The following KLHDC1 variants were observed in gnomAD, a reference collection of about 807,000 sequenced individuals.
The protein encoded by KLHDC1 is kelch domain containing 1.
Under a neutral mutation model 68.3 loss-of-function variants are expected in KLHDC1, and 53 were observed. The ratio of observed to expected loss-of-function variants is 0.78; its 90% CI spans 0.62 to 0.98. The LOEUF (loss-of-function observed/expected upper bound fraction) is 0.98. Ranked by LOEUF, KLHDC1 falls within the 50% of genes least tolerant of loss-of-function variation. KLHDC1 has a pLI of 0.00. For missense variants in KLHDC1, 470 were observed against 492.3 expected, an observed-to-expected ratio of 0.95 and a Z score of 0.43; for synonymous variants, 148 against 159.0, an observed-to-expected ratio of 0.93 and a Z score of 0.52.
chr14:49,707,272 ATGTGTG>A (rs749232051), intron 1 of KLHDC1, among the ~76,000 whole-genome samples: 4 of 138,384 alleles, frequency 2.9e-5, no homozygotes, highest in East Asian at 2.1e-4. Context: ...TTCTATTTTT[ATGTGTG>A]TGTGTGTGTG....
chr14:49,695,115 G>GTGTGT (rs753979963), intron 1 of KLHDC1, among the ~76,000 whole-genome samples: 1 of 22,926 alleles, frequency 4.4e-5, no homozygotes. Flanking sequence ...ATGCAGTTTT[G>GTGTGT]ATGTGTGTGT....
intron 1 of KLHDC1, among the ~76,000 whole-genome samples, chr14:49,698,334 G>C (rs530579935): frequency 1.3e-4 from 20 of 151,782 alleles, no homozygotes; most frequent in Admixed American, 9.9e-4. Context: ...CTCCCTAGTA[G>C]CTGGGAGTAT....
chr14:49,703,688 G>A (rs1284555275), intron 1 of KLHDC1, among the ~76,000 whole-genome samples: 3 of 87,184 alleles, frequency 3.4e-5, no homozygotes, highest in Non-Finnish European at 1.1e-4. Context: ...TAGTCAACTG[G>A]TGTGTGCTTG....
chr14:49,700,521 A>G lies in KLHDC1; in HGVS notation c.96+7231A>G, dbSNP rs572431537. On this transcript the variant is annotated intron_variant, in intron 1 of 12. Transcript: ENST00000359332. ...ATCACTTGAGCCCATGTGTTCAAGG[A>G]TGCAGTGAGCTATGATTGTGCCATC... Among the ~76,000 whole-genome samples, 15 of 152,298 alleles carry G rather than the reference A, an allele frequency of 9.8e-5. 1 individual carries two copies. The South Asian group carries it at 3.1e-3, about 32-fold the overall frequency.
chr14:49,743,203 C>A (rs993468063), intron 11 of KLHDC1, among the ~76,000 whole-genome samples: 2 of 151,622 alleles, frequency 1.3e-5, no homozygotes, highest in African/African-American at 4.8e-5. Flanking sequence ...TCGAAACCAG[C>A]CTGGCCAACA....
At chr14:49,706,084 TCTAA>T (rs1457451691) in intron 1 of KLHDC1, among the ~76,000 whole-genome samples, 1 of 152,184 alleles carries the variant, frequency 6.6e-6, no homozygotes, top group African/African-American at 2.4e-5. Flanking sequence ...TCTTATTCTT[TCTAA>T]CTATTTTTTG....
intron 4 of KLHDC1, among the ~76,000 whole-genome samples, chr14:49,718,915 T>C (rs2139747789): frequency 6.6e-6 from 1 of 151,238 alleles, no homozygotes; most frequent in East Asian, 2.0e-4. Context: ...TATCTGGGAT[T>C]ACAGCCGCCT....
chr14:49,715,737 C>A (rs1888353390), intron 4 of KLHDC1, among the ~76,000 whole-genome samples: 1 of 25,166 alleles, frequency 4.0e-5, no homozygotes, highest in Non-Finnish European at 6.4e-5. Flanking sequence ...AAGACTCTGT[C>A]TCAAAAAAAA....
intron 4 of KLHDC1, among the ~76,000 whole-genome samples, chr14:49,718,935 C>G (rs1305093152): frequency 6.6e-6 from 1 of 151,454 alleles, no homozygotes; most frequent in African/African-American, 2.4e-5. Flanking sequence ...TGCCACTACA[C>G]CCACCTAATT....
In KLHDC1 at chr14:49,713,995, C is replaced by T. The variant is rs187467424; in HGVS notation, c.404+3614C>T. On this transcript the variant is annotated intron_variant, in intron 4 of 12. Transcript: ENST00000359332. ...CCAAGTAGCTGGGATTACAGGTGCA[C>T]GCCACCAAACCTGGCTAATTTTTGT... Among the ~76,000 whole-genome samples, 474 of 148,154 alleles carry T rather than the reference C, an allele frequency of 3.2e-3. 3 individuals are homozygous for T. The highest frequency in any genetic ancestry group is 0.011 in the African/African-American group (441 of 40,384).
At chr14:49,693,512 G>C (rs531169358) in intron 1 of KLHDC1, among the ~76,000 whole-genome samples, 11 of 151,738 alleles carry the variant, frequency 7.2e-5, no homozygotes, top group African/African-American at 2.4e-4. Flanking sequence ...ACCCGGCTCC[G>C]GGCCTCTTAC....
At chr14:49,743,228 C>T (rs755241519) in intron 11 of KLHDC1, among the ~76,000 whole-genome samples, 38 of 151,644 alleles carry the variant, frequency 2.5e-4, no homozygotes, top group Non-Finnish European at 5.2e-4. Context: ...GAAACCTTGT[C>T]TATACTAAAA....
rs537678989 is a variant in KLHDC1, at chr14:49,732,363, G to C, written c.711-341G>C. On this transcript the variant is annotated intron_variant, in intron 8 of 12. Transcript: ENST00000359332. ...AATTTTTTGTATTTTAGTAGAGATG[G>C]GGTTTCACCATGCTGCCCAGTCTGG... Among the ~76,000 whole-genome samples, 3 of 152,068 alleles carry C rather than the reference G, an allele frequency of 2.0e-5. No homozygotes were observed. The South Asian group carries it at 6.2e-4, about 32-fold the overall frequency.
chr14:49,693,839 C>A (rs1878413589), intron 1 of KLHDC1, among the ~76,000 whole-genome samples: 1 of 147,648 alleles, frequency 6.8e-6, no homozygotes, highest in Non-Finnish European at 1.5e-5. Context: ...ACCTCCGCCC[C>A]CCGCCCCGGG....
At chr14:49,722,105 C>T (rs1346365186) in intron 4 of KLHDC1, among the ~76,000 whole-genome samples, 2 of 152,156 alleles carry the variant, frequency 1.3e-5, no homozygotes, top group African/African-American at 2.4e-5. Flanking sequence ...GGTTAAATTC[C>T]GTCTATGGCT....
intron 4 of KLHDC1, among the ~76,000 whole-genome samples, chr14:49,713,290 A>G (rs987205418): frequency 6.6e-6 from 1 of 152,064 alleles, no homozygotes; most frequent in Non-Finnish European, 1.5e-5. Context: ...TAGGCACATA[A>G]TGTTTGGTTG....
intron 4 of KLHDC1, among the ~76,000 whole-genome samples, chr14:49,722,440 T>C (rs991114446): frequency 1.3e-5 from 2 of 152,190 alleles, no homozygotes; most frequent in East Asian, 1.9e-4. Flanking sequence ...ACAAAGGACA[T>C]GAACTCATCC....
At chr14:49,724,546 T>C (rs1566609740) in intron 5 of KLHDC1, among the ~76,000 whole-genome samples, 1 of 151,926 alleles carries the variant, frequency 6.6e-6, no homozygotes, top group Admixed American at 6.6e-5. Context: ...AATACATATA[T>C]ATGTGTATAT....
At position 49,695,648 on chromosome 14, in the gene KLHDC1, A is replaced by G. The variant is rs949018397; in HGVS notation, c.96+2358A>G. Among the ~76,000 whole-genome samples the G allele has an allele frequency of 2.0e-5, 3 of 152,212 alleles. No individual in the cohort carries two copies. The East Asian group carries it at 5.8e-4, about 29-fold the overall frequency. On this transcript the variant is annotated intron_variant, in intron 1 of 12. Transcript: ENST00000359332. ...CATTGGCTTCAACTTAAAGACAGCTACTACATTAGCCACTAACAAGAGAAT... is the reference window on the plus strand; with the variant it reads ...CATTGGCTTCAACTTAAAGACAGCTGCTACATTAGCCACTAACAAGAGAAT...
Sources: gnomAD v4.1 joint callset for allele counts (sites outside exome capture counted in the v4.1 genomes callset) on GRCh38, gnomAD v4.1.1 for gene constraint, MANE v1.5 for transcripts, NCBI Gene and HGNC (gene_info 2026-07-23, HGNC 2026-07-21) for gene names.